The following SLAIN1 variants were observed in gnomAD, a reference collection of about 807,000 sequenced individuals.
SLAIN1 encodes the protein SLAIN motif-containing protein 1.
Under a neutral mutation model 55.4 loss-of-function variants are expected in SLAIN1, and 17 were observed. The observed-to-expected ratio is 0.31, with a 90% CI of 0.21 to 0.46. The LOEUF is 0.46. SLAIN1 is among the 20% of genes least tolerant of loss of function. The probability of loss-of-function intolerance (pLI) is 1.00; values close to 1 mark genes in which losing one functional copy is unlikely to be tolerated. For missense variants in SLAIN1, 682 were observed against 785.1 expected, an observed-to-expected ratio of 0.87 and a Z score of 1.57; for synonymous variants, 348 against 337.4, an observed-to-expected ratio of 1.03 and a Z score of -0.35.
At position 77,697,771 on chromosome 13, in the gene SLAIN1, G is replaced by C. The variant is rs1335001786; in HGVS notation, c.-143G>C. 24 of 881,254 alleles carry C rather than the reference G, an allele frequency of 2.7e-5. No individual in the cohort carries two copies. Among genetic ancestry groups the C allele is most frequent in the Middle Eastern group, 4.3e-4 (1 of 2,306 alleles). The allele number at this position is 881,254 out of a possible 1,614,324, so 54.6% of individuals were successfully genotyped here. The stretch of plus-strand genomic sequence containing the variant: ...GGAGGCGAGGGCCCGGTGCTGATGC[G>C]AACCGCCGGCTCGGCCTCAGCCCGC... On this transcript the variant is annotated 5_prime_UTR_variant, in exon 1 of 7. Transcript: ENST00000418532.
chr13:77,739,203 T>C (rs987125454), intron 2 of SLAIN1, among the ~76,000 whole-genome samples: 2 of 152,110 alleles, frequency 1.3e-5, no homozygotes, highest in African/African-American at 4.8e-5. Flanking sequence ...ACCGAGATTT[T>C]AGCTGGTTTG....
chr13:77,703,314 C>T (rs556981016), intron 1 of SLAIN1, among the ~76,000 whole-genome samples: 12 of 152,246 alleles, frequency 7.9e-5, no homozygotes, highest in Admixed American at 3.9e-4. Context: ...AGACAGCTGG[C>T]TAACATCATT....
At position 77,737,383 on chromosome 13, in the gene SLAIN1, T is replaced by C. The variant is rs539717149; in HGVS notation, c.767-6900T>C. 7.9e-5 allele frequency among the ~76,000 whole-genome samples: 12 copies of C among 152,240 alleles called. No homozygotes were observed. In the East Asian group the frequency reaches 2.3e-3, roughly 29 times the overall value. ...ATGCCCATTTAGTTCATCATTTCTA[T>C]GGCTACTTATGTCATCTTCATAAAA... On this transcript the variant is annotated intron_variant, in intron 2 of 6. Transcript: ENST00000418532.
chr13:77,760,596 G>T (rs1295049678), intron 5 of SLAIN1, among the ~76,000 whole-genome samples: 1 of 152,170 alleles, frequency 6.6e-6, no homozygotes. Flanking sequence ...CTTAGAACTG[G>T]CTTCTGCATA....
chr13:77,713,120 T>C (rs1473040005), intron 1 of SLAIN1, among the ~76,000 whole-genome samples: 1 of 152,112 alleles, frequency 6.6e-6, no homozygotes, highest in African/African-American at 2.4e-5. Flanking sequence ...GAAGAAAACC[T>C]GGGCAATACC....
At chr13:77,754,289 G>C (rs967848789) in intron 5 of SLAIN1, among the ~76,000 whole-genome samples, 1 of 152,140 alleles carries the variant, frequency 6.6e-6, no homozygotes, top group Non-Finnish European at 1.5e-5. Flanking sequence ...ATTTCTTTAT[G>C]TTTTAGTTCC....
intron 2 of SLAIN1, among the ~76,000 whole-genome samples, chr13:77,740,528 G>GCC (rs5804928): frequency 5.6e-5 from 8 of 142,878 alleles, no homozygotes; most frequent in Admixed American, 2.8e-4. Flanking sequence ...TTTGCGAACC[G>GCC]CCCCCCCCCC....
chr13:77,732,180 G>A (rs750075281), intron 2 of SLAIN1, among the ~76,000 whole-genome samples: 4 of 152,038 alleles, frequency 2.6e-5, no homozygotes, highest in Non-Finnish European at 5.9e-5. Flanking sequence ...ACACTGGGGA[G>A]GAAGGATTAT....
At chr13:77,702,708 TC>T (rs2091043013) in intron 1 of SLAIN1, among the ~76,000 whole-genome samples, 1 of 137,628 alleles carries the variant, frequency 7.3e-6, no homozygotes, top group South Asian at 2.2e-4. Context: ...AGTGTTTACA[TC>T]ACTGATATTT....
intron 1 of SLAIN1, among the ~76,000 whole-genome samples, chr13:77,703,351 C>T (rs1290790922): frequency 6.6e-6 from 1 of 152,122 alleles, no homozygotes; most frequent in Admixed American, 6.6e-5. Context: ...AGCTGTTGAA[C>T]ACCTTGTGCT....
intron 1 of SLAIN1, among the ~76,000 whole-genome samples, chr13:77,714,902 T>G (rs914930500): frequency 1.3e-5 from 2 of 151,994 alleles, no homozygotes; most frequent in Non-Finnish European, 2.9e-5. Context: ...CAGTTTAGAT[T>G]AGTCACCCAG....
At chr13:77,741,083 T>C (rs912289061) in intron 2 of SLAIN1, 29 of 886,784 alleles carry the variant, frequency 3.3e-5, no homozygotes, top group Non-Finnish European at 3.9e-5. Context: ...TCACAGTGGT[T>C]ATTGTGCAGA....
At chr13:77,740,280 G>A (rs1344067014) in intron 2 of SLAIN1, among the ~76,000 whole-genome samples, 1 of 152,070 alleles carries the variant, frequency 6.6e-6, no homozygotes. Context: ...GTTTGTTGAA[G>A]AGCAGGTTGC....
intron 1 of SLAIN1, among the ~76,000 whole-genome samples, chr13:77,702,934 A>C (rs1242922710): frequency 6.6e-6 from 1 of 152,154 alleles, no homozygotes; most frequent in Admixed American, 6.6e-5. Context: ...AGTTAACAAA[A>C]CTCTATACTG....
intron 1 of SLAIN1, among the ~76,000 whole-genome samples, chr13:77,700,751 A>G (rs933982870): frequency 5.3e-5 from 8 of 152,118 alleles, no homozygotes; most frequent in Non-Finnish European, 1.0e-4. Context: ...CAGGATGGCA[A>G]CTTATTTTTA....
At position 77,763,514 on chromosome 13, in the gene SLAIN1, T is replaced by C. The variant is rs926496945; in HGVS notation, c.*294T>C. ...TACTTTTTGAGAGAATTAAGATGTA[T>C]CAATAATGCTTTGCCATATGAGTTT... is the stretch of plus-strand genomic sequence containing the variant. On this transcript the variant is annotated 3_prime_UTR_variant, in exon 7 of 7. Coordinates refer to ENST00000418532, the MANE Select transcript of SLAIN1 (RefSeq NM_001242868.2). 3.8e-5 allele frequency: 12 copies of C among 314,248 alleles called. 1 individual carries two copies. Among genetic ancestry groups the C allele is most frequent in the Non-Finnish European group, 7.1e-5 (12 of 170,040 alleles). The allele number at this position is 314,248 out of a possible 1,614,324, so 19.5% of individuals were successfully genotyped here.
In SLAIN1 at chr13:77,719,616, C is replaced by T; in HGVS notation, c.711C>T (p.Asn237=). Reference sequence around the variant, plus strand: ...AGTGGTGTAGACATGTCCTAGATAACCCAACTCCTGAGATGGAAGCAGCGA... The same window carrying T: ...AGTGGTGTAGACATGTCCTAGATAATCCAACTCCTGAGATGGAAGCAGCGA... ...PLQWCRHVLD[N]PTPEMEAARR... The change falls in exon 2 of 7, where the codon AAC becomes AAT. Residue 237 remains asparagine (N), a synonymous_variant. Coordinates refer to ENST00000418532, the MANE Select transcript of SLAIN1 (RefSeq NM_001242868.2). The T allele has an allele frequency of 6.2e-7, 1 of 1,613,520 alleles. No individual in the cohort carries two copies. Among genetic ancestry groups the T allele is most frequent in the Non-Finnish European group, 8.5e-7 (1 of 1,179,632 alleles).
At chr13:77,746,894 T>G (rs1177928114) in intron 4 of SLAIN1, 39 bp downstream of exon 4, 1 of 1,487,890 alleles carries the variant, frequency 6.7e-7, no homozygotes, top group African/African-American at 1.4e-5. Context: ...TATGCTTTAA[T>G]TTTTTTATAT....
chr13:77,741,450 G>A lies in SLAIN1; in HGVS notation c.767-2833G>A, dbSNP rs138542153. 9.3e-5 allele frequency: 92 copies of A among 987,276 alleles called. No individual in the cohort carries two copies. The East Asian group carries it at 7.4e-3, about 79-fold the overall frequency. 61.2% of individuals were successfully genotyped at this position (987,276 alleles called of 1,614,324 possible). A position where few individuals can be genotyped will look rare whatever the true frequency, so the allele number is the denominator to read the frequency against. Reference sequence around the variant, plus strand: ...AAGCTGCTTAACCACTGTAAGTTACGGGTTGGATAAGTGACATATACGACT... The same window carrying A: ...AAGCTGCTTAACCACTGTAAGTTACAGGTTGGATAAGTGACATATACGACT... On this transcript the variant is annotated intron_variant, in intron 2 of 6. Transcript: ENST00000418532.
Sources: gnomAD v4.1 joint callset for allele counts (sites outside exome capture counted in the v4.1 genomes callset) on GRCh38, gnomAD v4.1.1 for gene constraint, MANE v1.5 for transcripts, NCBI Gene and HGNC (gene_info 2026-07-23, HGNC 2026-07-21) for gene names.